Variants in GARRE1 observed in about 807,000 individuals in gnomAD.
GARRE1 encodes the protein granule associated Rac and RHOG effector 1, also known as granule associated Rac and RHOG effector protein 1.
A neutral mutation model predicts 103.2 loss-of-function variants in GARRE1; 49 were observed. The observed-to-expected ratio is 0.47, with a 90% CI of 0.38 to 0.60. The LOEUF (loss-of-function observed/expected upper bound fraction) is 0.60, where lower values mean the gene tolerates loss of function less well. Ranked by LOEUF, GARRE1 falls within the 20% of genes least tolerant of loss-of-function variation. The probability of loss-of-function intolerance (pLI) is 0.00; values close to 1 mark genes in which losing one functional copy is unlikely to be tolerated. For synonymous variants in GARRE1, 505 were observed against 532.8 expected (o/e 0.95, Z 0.72); for missense variants, 1,199 against 1,370.5 (o/e 0.87, Z 1.98).
chr19:34,264,982 T>A (rs1016359946), intron 1 of GARRE1, among the ~76,000 whole-genome samples: 7 of 152,168 alleles, frequency 4.6e-5, no homozygotes, highest in Admixed American at 2.0e-4. Context: ...TTCTTTTTTT[T>A]AAGTCATTTT....
intron 1 of GARRE1, among the ~76,000 whole-genome samples, chr19:34,268,908 T>G (rs548171117): frequency 3.9e-5 from 6 of 152,364 alleles, no homozygotes; most frequent in Admixed American, 1.3e-4. Context: ...TTGATCTTCC[T>G]GTTCCTTCCC....
intron 1 of GARRE1, among the ~76,000 whole-genome samples, chr19:34,256,301 C>T (rs1225993017): frequency 6.6e-6 from 1 of 151,388 alleles, no homozygotes; most frequent in Non-Finnish European, 1.5e-5. Context: ...CACTTGAGGT[C>T]AGGAGTTCTA....
At chr19:34,309,433 A>G (rs1415101402) in intron 2 of GARRE1, among the ~76,000 whole-genome samples, 1 of 152,244 alleles carries the variant, frequency 6.6e-6, no homozygotes, top group Non-Finnish European at 1.5e-5. Flanking sequence ...ATTTACTTCA[A>G]AAAAAGAAAA....
At chr19:34,267,970 C>T (rs540018799) in intron 1 of GARRE1, among the ~76,000 whole-genome samples, 2 of 151,996 alleles carry the variant, frequency 1.3e-5, no homozygotes, top group South Asian at 2.1e-4. Flanking sequence ...GACGGGGTTT[C>T]ACCATGTTGG....
intron 1 of GARRE1, among the ~76,000 whole-genome samples, chr19:34,295,216 T>C (rs1421880873): frequency 6.6e-6 from 1 of 152,170 alleles, no homozygotes; most frequent in Admixed American, 6.5e-5. Context: ...ATGCAGCTGG[T>C]AGTTTTCAAG....
intron 8 of GARRE1, among the ~76,000 whole-genome samples, chr19:34,339,347 G>A (rs1405643273): frequency 6.6e-6 from 1 of 152,192 alleles, no homozygotes; most frequent in Admixed American, 6.5e-5. Context: ...TATATTTAAG[G>A]TTTATTATAA....
chr19:34,331,297 A>G (rs1224251265), intron 7 of GARRE1, among the ~76,000 whole-genome samples: 1 of 152,144 alleles, frequency 6.6e-6, no homozygotes, highest in African/African-American at 2.4e-5. Flanking sequence ...CTGTTGCTCA[A>G]ACATCCCATG....
intron 8 of GARRE1, 83 bp from the exon 9 acceptor site, chr19:34,339,784 T>C: frequency 6.4e-7 from 1 of 1,561,120 alleles, no homozygotes; most frequent in Non-Finnish European, 8.8e-7. Context: ...TACATAAAAG[T>C]TGTAGCCTTT....
chr19:34,351,717 T>C lies in GARRE1; in HGVS notation c.2904+125T>C. On this transcript the variant is annotated intron_variant, in intron 13 of 13. Coordinates refer to ENST00000299505, the MANE Select transcript of GARRE1 (RefSeq NM_014686.5). ...AATTTTGTGTAAATGATTAGCCACCTCAGCTGACTCAGAGCCACAGGAAGC... is the reference window on the plus strand; with the variant it reads ...AATTTTGTGTAAATGATTAGCCACCCCAGCTGACTCAGAGCCACAGGAAGC... 15 of 689,302 alleles carry C rather than the reference T, an allele frequency of 2.2e-5. No individual in the cohort carries two copies. In the South Asian group the frequency reaches 2.5e-4, roughly 12 times the overall value. 42.7% of individuals were successfully genotyped at this position (689,302 alleles called of 1,614,324 possible).
intron 7 of GARRE1, 22 bp downstream of exon 7, chr19:34,330,369 A>C: frequency 6.2e-7 from 1 of 1,612,686 alleles, no homozygotes; most frequent in Non-Finnish European, 8.5e-7. Flanking sequence ...TGGGTGGTGG[A>C]TGATAGGTAG....
intron 8 of GARRE1, among the ~76,000 whole-genome samples, chr19:34,337,899 A>G (rs1284575724): frequency 1.3e-5 from 2 of 152,214 alleles, no homozygotes; most frequent in Non-Finnish European, 2.9e-5. Context: ...GAACAAGAGC[A>G]AATGTGTCCT....
intron 2 of GARRE1, among the ~76,000 whole-genome samples, chr19:34,301,930 G>A (rs887418368): frequency 2.1e-5 from 3 of 144,692 alleles, no homozygotes; most frequent in African/African-American, 5.1e-5. Context: ...TGATCTGCCC[G>A]CCTTGGTCTC....
intron 1 of GARRE1, among the ~76,000 whole-genome samples, chr19:34,279,836 TTA>T (rs1282599796): frequency 6.6e-6 from 1 of 151,098 alleles, no homozygotes; most frequent in African/African-American, 2.4e-5. Flanking sequence ...ATACAAAAAA[TTA>T]GCCGGGCGTA....
rs185948303 is a variant in GARRE1, at chr19:34,330,262, C to T, written c.1178C>T (p.Thr393Ile). The change falls in exon 7 of 14, where the codon ACT (threonine) becomes ATT (isoleucine). Residue 393 changes from threonine to isoleucine, a missense_variant. Thr to Ile is a moderately conservative substitution (Grantham distance 89). Coordinates refer to ENST00000299505, the MANE Select transcript of GARRE1 (RefSeq NM_014686.5). The stretch of plus-strand genomic sequence containing the variant: ...ACATCCAGGGATGATTTTCCTGTGA[C>T]TGAAGTGCTGAACCAGGTTTGCCCT... ...GITSRDDFPV[T>I]EVLNQVCPST... 1 of 1,614,184 alleles carries T rather than the reference C, an allele frequency of 6.2e-7. No homozygotes were observed. Among genetic ancestry groups the T allele is most frequent in the East Asian group, 2.2e-5 (1 of 44,890 alleles).
At chr19:34,290,132 G>C (rs1009876279) in intron 1 of GARRE1, among the ~76,000 whole-genome samples, 5 of 152,174 alleles carry the variant, frequency 3.3e-5, no homozygotes, top group Non-Finnish European at 7.4e-5. Flanking sequence ...TGAGGCAGGA[G>C]GATCGCTTGA....
In GARRE1 at chr19:34,353,100, G is replaced by T; in HGVS notation, c.*145G>T. On this transcript the variant is annotated 3_prime_UTR_variant, in exon 14 of 14. Transcript: ENST00000299505. ...CCCAGGGAGGGTTCCTTGGGGACAA[G>T]GGTGGTTGGCAGCTCCAAGCCTTTA... 1 of 769,690 alleles carries T rather than the reference G, an allele frequency of 1.3e-6. No homozygotes were observed. The highest frequency in any genetic ancestry group is 2.0e-6 in the Non-Finnish European group (1 of 494,166). The allele number at this position is 769,690 out of a possible 1,614,324, so 47.7% of individuals were successfully genotyped here.
chr19:34,307,130 G>A (rs1045111921), intron 2 of GARRE1, among the ~76,000 whole-genome samples: 16 of 152,290 alleles, frequency 1.1e-4, no homozygotes, highest in Admixed American at 3.9e-4. Flanking sequence ...AGGGAGAGAA[G>A]CAGGGGTGAG....
chr19:34,328,518 ACT>A (rs2074122862), intron 6 of GARRE1, among the ~76,000 whole-genome samples: 1 of 122,860 alleles, frequency 8.1e-6, no homozygotes, highest in Non-Finnish European at 1.7e-5. Context: ...GACAAGCAAA[ACT>A]CTGTCTTAAA....
chr19:34,260,810 C>T (rs898347398), intron 1 of GARRE1, among the ~76,000 whole-genome samples: 1 of 152,130 alleles, frequency 6.6e-6, no homozygotes, highest in Non-Finnish European at 1.5e-5. Flanking sequence ...CCAAACTGAC[C>T]CAGCTATAAC....
Sources: gnomAD v4.1 joint callset for allele counts (sites outside exome capture counted in the v4.1 genomes callset) on GRCh38, gnomAD v4.1.1 for gene constraint, MANE v1.5 for transcripts, NCBI Gene and HGNC (gene_info 2026-07-23, HGNC 2026-07-21) for gene names.